VRK3: variants seen among roughly 807,000 people sequenced by gnomAD.
The protein encoded by VRK3 is VRK serine/threonine kinase 3.
In VRK3, 50 loss-of-function variants were observed where a neutral mutation model predicts 60.4. The ratio of observed to expected loss-of-function variants is 0.83; its 90% confidence interval spans 0.66 to 1.05. The LOEUF is 1.05. Among genes scored for constraint, VRK3 ranks in the 50% least tolerant of loss-of-function variants. The pLI is 0.00. For synonymous variants in VRK3, 246 were observed against 227.8 expected (o/e 1.08, Z -0.72); for missense variants, 549 against 585.3 (o/e 0.94, Z 0.64).
chr19:49,986,636 T>A (rs2076521127), intron 12 of VRK3: 1 of 152,060 alleles, frequency 6.6e-6, no homozygotes, highest in African/African-American at 2.4e-5. Context: ...GGGAGTAAAA[T>A]AAAACGAGAA....
rs530338764 is a variant in VRK3 at position 49,993,527 on chromosome 19, T to C, written c.871-575A>G. Among the ~76,000 whole-genome samples, 6 of 152,206 alleles carry C rather than the reference T, an allele frequency of 3.9e-5. No individual in the cohort carries two copies. The South Asian group carries it at 8.3e-4, about 21-fold the overall frequency. The stretch of plus-strand genomic sequence containing the variant: ...GATCCTCCCACCTCAGCCTCACAAG[T>C]AGCTGGGACTACAGGTGGGTGCCAC... On this transcript the variant is annotated intron_variant, in intron 9 of 14. Transcript: ENST00000316763.
At chr19:50,021,141 T>C (rs2077164629) in intron 1 of VRK3, among the ~76,000 whole-genome samples, 1 of 152,186 alleles carries the variant, frequency 6.6e-6, no homozygotes, top group Non-Finnish European at 1.5e-5. Context: ...TCCTGTTTAG[T>C]CTATACAACA....
chr19:49,987,419 T>C (rs572841725), intron 12 of VRK3, among the ~76,000 whole-genome samples: 1 of 150,894 alleles, frequency 6.6e-6, no homozygotes, highest in Admixed American at 6.5e-5. Flanking sequence ...GCTGAACCCA[T>C]ACCCCTAGTG....
chr19:49,994,430 C>T (rs1309445682), intron 9 of VRK3, among the ~76,000 whole-genome samples: 1 of 152,250 alleles, frequency 6.6e-6, no homozygotes, highest in South Asian at 2.1e-4. Context: ...CTCTCCCTTC[C>T]ACACAAGCCT....
At chr19:49,981,717 T>C in intron 12 of VRK3, 2 of 1,001,434 alleles carry the variant, frequency 2.0e-6, no homozygotes, top group Middle Eastern at 5.1e-4. Context: ...GAAATAAAGA[T>C]TTTATTACTT....
chr19:49,988,489 G>A lies in VRK3; in HGVS notation c.1100C>T (p.Pro367Leu), dbSNP rs1201871561. Reference protein sequence around the residue: ...ISMDLHKGCGPSRRSDLQSLG... With the variant: ...ISMDLHKGCGLSRRSDLQSLG... ...GCTCTGGAGGTCGCTGCGGCGGGAG[G>A]GCCCTGGGGAAGGAGGAGTAAAGGT... The change falls in exon 12 of 15, where the codon CCC becomes CTC. Residue 367 changes from proline (P) to leucine (L), a missense_variant. By Grantham distance (98) the Pro-to-Leu change is moderately conservative. Transcript: ENST00000316763. 2 of 1,612,644 alleles carry A rather than the reference G, an allele frequency of 1.2e-6. No individual in the cohort carries two copies.
chr19:50,013,741 G>C (rs75485556), intron 3 of VRK3, among the ~76,000 whole-genome samples: 4 of 152,174 alleles, frequency 2.6e-5, no homozygotes, highest in Non-Finnish European at 5.9e-5. Flanking sequence ...GCAAACAGCA[G>C]GTTACAAAAC....
At chr19:50,005,949 T>C (rs1568801896) in intron 5 of VRK3, among the ~76,000 whole-genome samples, 1 of 149,030 alleles carries the variant, frequency 6.7e-6, no homozygotes, top group Non-Finnish European at 1.5e-5. Context: ...GTGACGATGG[T>C]TGCATAACAC....
chr19:49,993,770 C>T (rs2076653271), intron 9 of VRK3, among the ~76,000 whole-genome samples: 1 of 152,108 alleles, frequency 6.6e-6, no homozygotes, highest in Non-Finnish European at 1.5e-5. Flanking sequence ...TCTTTGACCC[C>T]AGGGCTCTAC....
At chr19:50,022,384 T>C (rs945846706) in intron 1 of VRK3, among the ~76,000 whole-genome samples, 37 of 152,208 alleles carry the variant, frequency 2.4e-4, no homozygotes, top group African/African-American at 8.7e-4. Flanking sequence ...AGCAGCCTCC[T>C]AACTAGACTT....
At chr19:49,988,273 C>T (rs1339093331) in intron 12 of VRK3, 99 bp downstream of exon 12, 1 of 1,504,594 alleles carries the variant, frequency 6.6e-7, no homozygotes, top group Non-Finnish European at 8.9e-7. Flanking sequence ...TGGATGCCAC[C>T]TCCCCTTCCC....
At chr19:49,993,905 C>G (rs2076655499) in intron 9 of VRK3, among the ~76,000 whole-genome samples, 3 of 152,102 alleles carry the variant, frequency 2.0e-5, no homozygotes, top group Admixed American at 2.0e-4. Flanking sequence ...TCCAGTCCCT[C>G]CCCATATGGC....
intron 3 of VRK3, among the ~76,000 whole-genome samples, chr19:50,014,667 G>GC (rs2077045933): frequency 6.6e-6 from 1 of 152,214 alleles, no homozygotes; most frequent in South Asian, 2.1e-4. Context: ...GGAGGGAGCG[G>GC]CAAGCGCACA....
At chr19:50,018,116 CCTCT>C (rs1235054123) in intron 2 of VRK3, among the ~76,000 whole-genome samples, 25 of 152,330 alleles carry the variant, frequency 1.6e-4, no homozygotes, top group Admixed American at 5.9e-4. Flanking sequence ...AGCTACTTAA[CCTCT>C]CTGTGTCACA....
intron 3 of VRK3, among the ~76,000 whole-genome samples, chr19:50,014,099 T>A (rs1331046406): frequency 6.6e-6 from 1 of 151,940 alleles, no homozygotes; most frequent in African/African-American, 2.4e-5. Context: ...AAACCCCATC[T>A]CTACTGAAAA....
At chr19:49,977,121 C>T (rs1260215578) in intron 14 of VRK3, among the ~76,000 whole-genome samples, 1 of 152,044 alleles carries the variant, frequency 6.6e-6, no homozygotes, top group African/African-American at 2.4e-5. Flanking sequence ...GTACATAAAG[C>T]CAGGATGAGG....
At position 49,995,203 on chromosome 19, in the gene VRK3, T is replaced by C. The variant is rs2076680693; in HGVS notation, c.752A>G (p.Gln251Arg). 4.3e-6 allele frequency: 7 copies of C among 1,614,182 alleles called. No homozygotes were observed. The highest frequency in any genetic ancestry group is 5.9e-6 in the Non-Finnish European group (7 of 1,180,006). Residue 251 changes from glutamine to arginine, a missense_variant, in exon 8 of 15, where the codon CAG becomes CGG. Coordinates refer to ENST00000316763, the MANE Select transcript of VRK3 (RefSeq NM_016440.4). ...CAGAGCAGCTCACCTGTATTTGTCC[T>C]GGTGAACACCGAAACCCATGCAGGT... is the stretch of plus-strand genomic sequence containing the variant. Reference protein sequence around the residue: ...IPTCMGFGVHQDKYRFLVLPS... With the variant: ...IPTCMGFGVHRDKYRFLVLPS...
intron 9 of VRK3, among the ~76,000 whole-genome samples, chr19:49,993,320 A>G (rs1022611676): frequency 6.6e-6 from 1 of 152,212 alleles, no homozygotes; most frequent in African/African-American, 2.4e-5. Context: ...GAGAGCAGAA[A>G]TAAATCTTGT....
chr19:50,021,459 G>A (rs1459732218), intron 1 of VRK3, among the ~76,000 whole-genome samples: 1 of 152,224 alleles, frequency 6.6e-6, no homozygotes, highest in Admixed American at 6.5e-5. Flanking sequence ...CACGGCATGA[G>A]GCAGCCTAAA....
Sources: gnomAD v4.1 joint callset for allele counts (sites outside exome capture counted in the v4.1 genomes callset) on GRCh38, gnomAD v4.1.1 for gene constraint, MANE v1.5 for transcripts, NCBI Gene and HGNC (gene_info 2026-07-23, HGNC 2026-07-21) for gene names.